Variants in ARHGEF10 observed in about 807,000 individuals in gnomAD.
ARHGEF10 encodes the protein Rho guanine nucleotide exchange factor (GEF) 10.
Under a neutral mutation model 147.4 loss-of-function variants are expected in ARHGEF10, and 140 were observed. The ratio of observed to expected loss-of-function variants is 0.95; its 90% CI spans 0.83 to 1.09. The LOEUF is 1.09. Among genes scored for constraint, ARHGEF10 ranks in the 50% least tolerant of loss-of-function variants. ARHGEF10 has a pLI of 0.00. For synonymous variants in ARHGEF10, 902 were observed against 695.8 expected, an observed-to-expected ratio of 1.30 and a Z score of -4.67; for missense variants, 2,222 against 1,752.7, an observed-to-expected ratio of 1.27 and a Z score of -4.78.
At chr8:1,930,923 G>T (rs1305455583) in intron 25 of ARHGEF10, among the ~76,000 whole-genome samples, 1 of 152,250 alleles carries the variant, frequency 6.6e-6, no homozygotes, top group Admixed American at 6.5e-5. Context: ...CTGGCTCCTT[G>T]GCGGGCCTCT....
In ARHGEF10 at chr8:1,894,565, TG is replaced by T. The variant is rs1262902681; in HGVS notation, c.1435del (p.Ala479LeufsTer16). On this transcript the variant is annotated frameshift_variant, in exon 13 of 29. Transcript: ENST00000349830. LOFTEE classifies it high-confidence loss of function. ...DSVEMIGDVF[V>X]ASFSKSMVLD... ...GTGGAAATGATAGGCGATGTCTTCG[TG>T]GCTTCGGTAATTAAGCTGGGACACC... is the stretch of plus-strand genomic sequence containing the variant. 1 of 1,614,090 alleles carries T rather than the reference TG, an allele frequency of 6.2e-7. No homozygotes were observed.
intron 27 of ARHGEF10, among the ~76,000 whole-genome samples, chr8:1,946,394 A>G (rs1016376370): frequency 6.6e-6 from 1 of 152,202 alleles, no homozygotes; most frequent in African/African-American, 2.4e-5. Flanking sequence ...TACAAGCCAG[A>G]GAGGCTGCCC....
At chr8:1,882,159 G>C (rs1218101070) in intron 9 of ARHGEF10, among the ~76,000 whole-genome samples, 1 of 152,206 alleles carries the variant, frequency 6.6e-6, no homozygotes, top group Admixed American at 6.5e-5. Context: ...TCAGCCCCGT[G>C]GCTGGAGCTG....
chr8:1,903,734 C>G (rs559745130), intron 16 of ARHGEF10: 14 of 501,310 alleles, frequency 2.8e-5, no homozygotes, highest in African/African-American at 1.9e-4. Context: ...TTAAGAGCAA[C>G]TCCTTTAGCT....
chr8:1,929,843 G>C (rs375508453), intron 25 of ARHGEF10, among the ~76,000 whole-genome samples: 70 of 151,914 alleles, frequency 4.6e-4, no homozygotes, highest in African/African-American at 1.6e-3. Context: ...CCTCGGTCCC[G>C]TGCCCTCGGT....
At chr8:1,872,595 C>T (rs567122151) in intron 7 of ARHGEF10, among the ~76,000 whole-genome samples, 43 of 152,310 alleles carry the variant, frequency 2.8e-4, no homozygotes, top group Admixed American at 6.5e-4. Flanking sequence ...AACACGATTT[C>T]CCCAAATTGA....
At chr8:1,916,222 C>T (rs1563280164) in intron 18 of ARHGEF10, among the ~76,000 whole-genome samples, 2 of 152,152 alleles carry the variant, frequency 1.3e-5, no homozygotes, top group Admixed American at 1.3e-4. Context: ...GACGGCCAGC[C>T]ACGGAAAGGT....
At chr8:1,841,589 G>C (rs1462904134) in intron 1 of ARHGEF10, among the ~76,000 whole-genome samples, 1 of 152,176 alleles carries the variant, frequency 6.6e-6, no homozygotes, top group Middle Eastern at 3.4e-3. Flanking sequence ...GGCTCCCTGG[G>C]GGCAGGGAGT....
intron 23 of ARHGEF10, 183 bp downstream of exon 23, chr8:1,926,646 G>T (rs1306279059): frequency 9.0e-6 from 6 of 669,192 alleles, no homozygotes; most frequent in Non-Finnish European, 1.6e-5. Flanking sequence ...AAGATTTACA[G>T]TTCTTAGGAA....
chr8:1,849,934 CTGCGTG>C (rs2129058742), intron 2 of ARHGEF10, among the ~76,000 whole-genome samples: 1 of 140,998 alleles, frequency 7.1e-6, no homozygotes, highest in Non-Finnish European at 1.5e-5. Flanking sequence ...CGTGGGCCGG[CTGCGTG>C]GACACAGAGG....
chr8:1,921,972 A>T (rs964141165), intron 18 of ARHGEF10, among the ~76,000 whole-genome samples: 1 of 152,072 alleles, frequency 6.6e-6, no homozygotes, highest in African/African-American at 2.4e-5. Flanking sequence ...TTTCTATGAG[A>T]AGTGGAAAAG....
chr8:1,948,244 A>C lies in ARHGEF10; in HGVS notation c.3397+2589A>C, dbSNP rs985901286. 7.9e-5 allele frequency among the ~76,000 whole-genome samples: 12 copies of C among 152,270 alleles called. No homozygotes were observed. In the East Asian group the frequency reaches 9.7e-4, roughly 12 times the overall value. On this transcript the variant is annotated intron_variant, in intron 27 of 28. Transcript: ENST00000349830. The surrounding 1 kb of genome is among the most constrained non-coding windows in gnomAD (Gnocchi z 4.9). Reference sequence around the variant, plus strand: ...CATCCTGGGCTGGCTCTCCATGGCCACAGTGCGTGCTCTCAGCCCCCTGCT... The same window carrying C: ...CATCCTGGGCTGGCTCTCCATGGCCCCAGTGCGTGCTCTCAGCCCCCTGCT...
chr8:1,913,585 A>T (rs746194245), intron 18 of ARHGEF10, among the ~76,000 whole-genome samples: 1 of 152,194 alleles, frequency 6.6e-6, no homozygotes, highest in Non-Finnish European at 1.5e-5. Context: ...TTTGCTTGTT[A>T]TTGGACCAGC....
chr8:1,841,616 T>C (rs1313018560), intron 1 of ARHGEF10, among the ~76,000 whole-genome samples: 3 of 151,676 alleles, frequency 2.0e-5, no homozygotes, highest in Non-Finnish European at 4.4e-5. Flanking sequence ...CAGGGCGTGG[T>C]TGTGGCTCGT....
chr8:1,866,533 C>T lies in ARHGEF10; in HGVS notation c.553C>T (p.Gln185Ter). The change falls in exon 6 of 29, where the codon CAA becomes TAA. Residue 185 changes from glutamine (Q) to a stop codon, truncating the protein, a stop_gained. Coordinates refer to ENST00000349830, the MANE Select transcript of ARHGEF10 (RefSeq NM_014629.4). LOFTEE classifies it high-confidence loss of function. ...TGGTTTGTTTTCTTTAAGTGAAGAT[C>T]AAGTCGGTCGAGAGGACAGCGCACT... ...SSEEPPTSED[Q>*]VGREDSALAR... 1 of 1,611,574 alleles carries T rather than the reference C, an allele frequency of 6.2e-7. No homozygotes were observed. Among genetic ancestry groups the T allele is most frequent in the Non-Finnish European group, 8.5e-7 (1 of 1,179,986 alleles).
At position 1,843,439 on chromosome 8, in the gene ARHGEF10, AAC is replaced by A; in HGVS notation, c.37+5_37+6del. On this transcript the variant is annotated splice_donor_5th_base_variant and intron_variant, in intron 2 of 28. Transcript: ENST00000349830. Reference sequence around the variant, plus strand: ...GCCCCTGCCTCCCGCTCCTGCAGGTAACAGCACTCAGTAGGTGGGCCTGTGGG... The same window carrying A: ...GCCCCTGCCTCCCGCTCCTGCAGGTAAGCACTCAGTAGGTGGGCCTGTGGG... 6.2e-7 allele frequency: 1 copy of A among 1,611,850 alleles called. No individual in the cohort carries two copies. Among genetic ancestry groups the A allele is most frequent in the Non-Finnish European group, 8.5e-7 (1 of 1,178,902 alleles).
intron 10 of ARHGEF10, 36 bp downstream of exon 10, chr8:1,882,785 G>A (rs1225637712): frequency 1.1e-5 from 15 of 1,359,592 alleles, no homozygotes; most frequent in African/African-American, 1.0e-4. Flanking sequence ...GGGAGGACAC[G>A]GGGTTGGGGG....
intron 1 of ARHGEF10, among the ~76,000 whole-genome samples, chr8:1,826,689 T>C (rs961341563): frequency 1.3e-5 from 2 of 152,222 alleles, no homozygotes; most frequent in Non-Finnish European, 2.9e-5. Flanking sequence ...CTGTAAGCGA[T>C]GTGAAAACGT....
chr8:1,890,547 G>A (rs1192349275), intron 11 of ARHGEF10, among the ~76,000 whole-genome samples: 1 of 149,682 alleles, frequency 6.7e-6, no homozygotes, highest in African/African-American at 2.5e-5. Context: ...ACACTGAGTG[G>A]GGTGAGAGTT....
Sources: gnomAD v4.1 joint callset for allele counts (sites outside exome capture counted in the v4.1 genomes callset) on GRCh38, gnomAD v4.1.1 for gene constraint, Gnocchi (gnomAD v3.1) non-coding constraint, MANE v1.5 for transcripts, NCBI Gene and HGNC (gene_info 2026-07-23, HGNC 2026-07-21) for gene names.